TMBIM6: variants seen among roughly 807,000 people sequenced by gnomAD.
TMBIM6 encodes bax inhibitor 1.
In TMBIM6, 13 loss-of-function variants were observed where a neutral mutation model predicts 31.4. The ratio of observed to expected loss-of-function variants is 0.41; its 90% CI spans 0.27 to 0.66. TMBIM6 has a LOEUF of 0.66. TMBIM6 is among the 30% of genes least tolerant of loss of function. TMBIM6 has a pLI of 0.28. For synonymous variants in TMBIM6, 85 were observed against 101.7 expected (o/e 0.84, Z 0.99); for missense variants, 275 against 289.5 (o/e 0.95, Z 0.36).
intron 1 of TMBIM6, among the ~76,000 whole-genome samples, chr12:49,748,410 A>G (rs941911021): frequency 3.9e-4 from 60 of 152,312 alleles, no homozygotes; most frequent in African/African-American, 1.4e-3. Context: ...CCACAGGAAT[A>G]TCTAACTCAA....
chr12:49,760,919 A>G (rs886173012), intron 8 of TMBIM6, among the ~76,000 whole-genome samples: 3 of 151,498 alleles, frequency 2.0e-5, no homozygotes, highest in African/African-American at 7.3e-5. Context: ...GGCTCACCGC[A>G]GCCTCCGTCT....
Position 49,758,480 on chromosome 12 carries a change from G to C in TMBIM6, c.433G>C (p.Gly145Arg). ...ARRRSYLFLG[G>R]ILMSALSLLL... ...GCGCCGTAGCTACCTCTTTCTGGGAGGTAAGTGTGAACTGGGAAACAGGGA... is the reference window on the plus strand; with the variant it reads ...GCGCCGTAGCTACCTCTTTCTGGGACGTAAGTGTGAACTGGGAAACAGGGA... The change falls in exon 6 of 10, where the codon GGT becomes CGT. Residue 145 changes from glycine (G) to arginine (R), a missense_variant and splice_region_variant. By Grantham distance (125) the Gly-to-Arg change is moderately radical. Coordinates refer to ENST00000267115, the MANE Select transcript of TMBIM6 (RefSeq NM_003217.3). The C allele has an allele frequency of 6.2e-7, 1 of 1,614,090 alleles. No individual in the cohort carries two copies. Among genetic ancestry groups the C allele is most frequent in the Non-Finnish European group, 8.5e-7 (1 of 1,179,966 alleles).
rs992008014 is a variant in TMBIM6 at position 49,759,562 on chromosome 12, T to C, written c.614+241T>C. On this transcript the variant is annotated intron_variant, in intron 8 of 9. Transcript: ENST00000267115. ...GCTCACACCTATAATCCTAGCACTTTGGGAGGCTGAGGCCACTGGATCGCT... is the reference window on the plus strand; with the variant it reads ...GCTCACACCTATAATCCTAGCACTTCGGGAGGCTGAGGCCACTGGATCGCT... Among the ~76,000 whole-genome samples, 8 of 152,236 alleles carry C rather than the reference T, an allele frequency of 5.3e-5. No homozygotes were observed. The South Asian group carries it at 1.4e-3, about 28-fold the overall frequency.
intron 4 of TMBIM6, among the ~76,000 whole-genome samples, chr12:49,757,621 TAGAA>T (rs1245196700): frequency 6.6e-6 from 1 of 152,240 alleles, no homozygotes; most frequent in Non-Finnish European, 1.5e-5. Flanking sequence ...GGAGAAATTT[TAGAA>T]AGGAAGAGAT....
At chr12:49,742,061 G>A in intron 1 of TMBIM6, 1 of 1,552,902 alleles carries the variant, frequency 6.4e-7, no homozygotes, top group South Asian at 1.2e-5. Context: ...TCGGCTGCGG[G>A]CGGGTCCTTT....
chr12:49,758,493 T>G lies in TMBIM6; in HGVS notation c.433+13T>G. The stretch of plus-strand genomic sequence containing the variant: ...CTCTTTCTGGGAGGTAAGTGTGAAC[T>G]GGGAAACAGGGAATGGGGGCTCCTT... On this transcript the variant is annotated intron_variant, in intron 6 of 9. Transcript: ENST00000267115. 1 of 1,613,514 alleles carries G rather than the reference T, an allele frequency of 6.2e-7. No individual in the cohort carries two copies. Among genetic ancestry groups the G allele is most frequent in the Non-Finnish European group, 8.5e-7 (1 of 1,179,426 alleles).
intron 1 of TMBIM6, chr12:49,742,427 A>G: frequency 1.7e-6 from 2 of 1,162,448 alleles, no homozygotes; most frequent in Non-Finnish European, 2.3e-6. Flanking sequence ...TTGTATATTT[A>G]CTGAGTGTAG....
At chr12:49,747,583 A>T (rs796847235) in intron 1 of TMBIM6, among the ~76,000 whole-genome samples, 3 of 152,336 alleles carry the variant, frequency 2.0e-5, no homozygotes, top group African/African-American at 7.2e-5. Context: ...TGCTGGGCTC[A>T]CAGGTGTGAG....
chr12:49,748,840 G>A (rs1431516521), intron 1 of TMBIM6, among the ~76,000 whole-genome samples: 1 of 152,144 alleles, frequency 6.6e-6, no homozygotes, highest in Non-Finnish European at 1.5e-5. Flanking sequence ...TTAGCAGCTT[G>A]TAATGTACTT....
chr12:49,757,050 A>G (rs917915826), intron 4 of TMBIM6, among the ~76,000 whole-genome samples: 8 of 152,070 alleles, frequency 5.3e-5, no homozygotes, highest in East Asian at 1.9e-4. Flanking sequence ...GTATTTTAGT[A>G]GAGACGGGGT....
chr12:49,743,680 A>G (rs1945340869), intron 1 of TMBIM6: 1 of 152,156 alleles, frequency 6.6e-6, no homozygotes, highest in South Asian at 2.1e-4. Context: ...GAATCAATGT[A>G]TGTTTTGGGA....
chr12:49,757,927 G>A (rs1271388285), intron 4 of TMBIM6, among the ~76,000 whole-genome samples: 1 of 151,718 alleles, frequency 6.6e-6, no homozygotes, highest in Non-Finnish European at 1.5e-5. Flanking sequence ...CATCACTCTA[G>A]CTCTGAAATG....
intron 1 of TMBIM6, among the ~76,000 whole-genome samples, chr12:49,745,248 A>G (rs955200559): frequency 6.6e-6 from 1 of 152,162 alleles, no homozygotes; most frequent in African/African-American, 2.4e-5. Flanking sequence ...TCAGATTATC[A>G]CTTAGTGGCT....
chr12:49,753,924 C>CT (rs201872079), intron 3 of TMBIM6, among the ~76,000 whole-genome samples: 23,906 of 138,234 alleles, frequency 0.17, 3,454 homozygotes, highest in African/African-American at 0.4. Context: ...ACTCATGGCA[C>CT]TTTTTTTTTT....
chr12:49,748,095 G>A (rs1158498835), intron 1 of TMBIM6, among the ~76,000 whole-genome samples: 2 of 152,006 alleles, frequency 1.3e-5, no homozygotes, highest in Non-Finnish European at 2.9e-5. Context: ...GTAGAGACAG[G>A]GTTTCACCAT....
chr12:49,744,644 T>A (rs1223825844), intron 1 of TMBIM6: 1 of 152,150 alleles, frequency 6.6e-6, no homozygotes. Context: ...TTGTAGTGCT[T>A]AAATCTTGGG....
At chr12:49,742,317 G>A (rs374803494) in intron 1 of TMBIM6, 78 of 1,533,418 alleles carry the variant, frequency 5.1e-5, no homozygotes, top group Non-Finnish European at 6.5e-5. Context: ...TTGAGGTTTT[G>A]TGGGCGTCTT....
intron 4 of TMBIM6, among the ~76,000 whole-genome samples, chr12:49,756,133 CT>C (rs1328694683): frequency 4.7e-5 from 7 of 150,360 alleles, no homozygotes; most frequent in African/African-American, 1.7e-4. Context: ...GTGCCTGGCC[CT>C]TTTTTTCCTT....
rs753987547 is a variant in TMBIM6 at position 49,758,282 on chromosome 12, CTT to C, written c.335+10_335+11del. On this transcript the variant is annotated splice_region_variant and intron_variant, in intron 5 of 9. Coordinates refer to ENST00000267115, the MANE Select transcript of TMBIM6 (RefSeq NM_003217.3). Reference sequence around the variant, plus strand: ...GTATTGCTGTCAACCCCAGGTAACTCTTTTGGTAGTGTCTTATGTGCTTTTAT... The same window carrying C: ...GTATTGCTGTCAACCCCAGGTAACTCTTGGTAGTGTCTTATGTGCTTTTAT... The C allele has an allele frequency of 3.1e-6, 5 of 1,614,170 alleles. No homozygotes were observed. The highest frequency in any genetic ancestry group is 2.2e-5 in the South Asian group (2 of 91,086).
Sources: allele counts gnomAD v4.1 joint callset (sites outside exome capture counted in the v4.1 genomes callset), GRCh38; gene constraint gnomAD v4.1.1; transcripts MANE v1.5; gene names NCBI Gene and HGNC (gene_info 2026-07-23, HGNC 2026-07-21).